RAD51B: variants seen among roughly 807,000 people sequenced by gnomAD.
RAD51B encodes the protein DNA repair protein RAD51 homolog 2.
Under a neutral mutation model 42.2 loss-of-function variants are expected in RAD51B, and 38 were observed. The observed-to-expected ratio is 0.90, with a 90% CI of 0.70 to 1.18. The LOEUF (loss-of-function observed/expected upper bound fraction) is 1.18. Among genes scored for constraint, RAD51B ranks in the 50% most tolerant of loss-of-function variants. RAD51B has a pLI of 0.00. For synonymous variants in RAD51B, 154 were observed against 145.2 expected (o/e 1.06, Z -0.43); for missense variants, 373 against 400.7 (o/e 0.93, Z 0.59).
At chr14:67,931,737 A>C (rs1337294785) in intron 7 of RAD51B, among the ~76,000 whole-genome samples, 1 of 151,798 alleles carries the variant, frequency 6.6e-6, no homozygotes. Flanking sequence ...TCTTGACCTC[A>C]GGTGATCCAT....
At position 67,965,869 on chromosome 14, in the gene RAD51B, A is replaced by G. The variant is rs2074765780; in HGVS notation, c.756+78665A>G. On this transcript the variant is annotated intron_variant, in intron 7 of 10. Transcript: ENST00000471583. Reference sequence around the variant, plus strand: ...GACAAAAGAAATAAACCACGTGCATAGACCAAGCAGTAGGGCCACCGTTAG... The same window carrying G: ...GACAAAAGAAATAAACCACGTGCATGGACCAAGCAGTAGGGCCACCGTTAG... 2.6e-5 allele frequency among the ~76,000 whole-genome samples: 4 copies of G among 152,158 alleles called. No homozygotes were observed. The South Asian group carries it at 8.3e-4, about 32-fold the overall frequency.
intron 11 of RAD51B, among the ~76,000 whole-genome samples, chr14:68,682,007 G>T (rs530089671): frequency 6.6e-6 from 1 of 152,086 alleles, no homozygotes; most frequent in Non-Finnish European, 1.5e-5. Flanking sequence ...CACCACTGAA[G>T]AACTTATCCA....
chr14:68,330,213 A>G (rs2145423), intron 8 of RAD51B, among the ~76,000 whole-genome samples: 80,527 of 151,954 alleles, frequency 0.53, 23,055 homozygotes, highest in South Asian at 0.65. Flanking sequence ...AAGCAATTGA[A>G]ATGATTAAAA....
At chr14:68,613,493 A>C (rs573497052), downstream of RAD51B, among the ~76,000 whole-genome samples, 1 of 146,790 alleles carries the variant, frequency 6.8e-6, no homozygotes, top group African/African-American at 2.5e-5. Flanking sequence ...TCACTCTGTC[A>C]CCCAGGCTGG....
chr14:68,347,137 A>G (rs1324842555), intron 8 of RAD51B, among the ~76,000 whole-genome samples: 2 of 151,994 alleles, frequency 1.3e-5, no homozygotes, highest in African/African-American at 2.4e-5. Context: ...TGCTTTCGCT[A>G]GACTGAAAGA....
intron 10 of RAD51B, among the ~76,000 whole-genome samples, chr14:68,603,956 C>G (rs548246642): frequency 6.6e-6 from 1 of 152,374 alleles, no homozygotes; most frequent in African/African-American, 2.4e-5. Context: ...GGGAAGCGTT[C>G]ACTCTAGCCC....
At chr14:68,422,239 G>T in intron 9 of RAD51B, 1 of 864,718 alleles carries the variant, frequency 1.2e-6, no homozygotes, top group South Asian at 1.3e-5. Flanking sequence ...CGTCCGCAGA[G>T]CACCCAAATT....
intron 7 of RAD51B, among the ~76,000 whole-genome samples, chr14:67,928,117 T>C (rs2044592097): frequency 6.6e-6 from 1 of 152,184 alleles, no homozygotes; most frequent in Non-Finnish European, 1.5e-5. Flanking sequence ...CAGCAGTGAC[T>C]TTATTCAGTA....
chr14:67,979,303 T>C (rs1340459035), intron 7 of RAD51B, among the ~76,000 whole-genome samples: 1 of 152,238 alleles, frequency 6.6e-6, no homozygotes, highest in African/African-American at 2.4e-5. Flanking sequence ...TGATTTCTAA[T>C]AGATTTGAAC....
At chr14:68,145,701 T>A (rs1410034714) in intron 7 of RAD51B, among the ~76,000 whole-genome samples, 1 of 152,210 alleles carries the variant, frequency 6.6e-6, no homozygotes, top group Admixed American at 6.5e-5. Context: ...GTTATTTATA[T>A]CTTGATTGTG....
chr14:68,024,770 A>G (rs918062804), intron 7 of RAD51B, among the ~76,000 whole-genome samples: 4 of 152,062 alleles, frequency 2.6e-5, no homozygotes, highest in African/African-American at 9.7e-5. Flanking sequence ...TGTAGGTATG[A>G]AATCATATTG....
intron 10 of RAD51B, among the ~76,000 whole-genome samples, chr14:68,519,886 G>C (rs746206858): frequency 3.3e-5 from 5 of 152,190 alleles, no homozygotes; most frequent in African/African-American, 1.2e-4. Context: ...GGAAGAGAAG[G>C]TCTTCTAAGG....
At chr14:68,505,180 GC>G (rs1313422537) in intron 10 of RAD51B, among the ~76,000 whole-genome samples, 3 of 152,260 alleles carry the variant, frequency 2.0e-5, no homozygotes, top group East Asian at 1.9e-4. Context: ...GATGGAGGGA[GC>G]ACGAGGATGG....
At chr14:68,110,002 A>AC (rs780898083) in intron 7 of RAD51B, among the ~76,000 whole-genome samples, 7 of 151,954 alleles carry the variant, frequency 4.6e-5, no homozygotes, top group Non-Finnish European at 7.4e-5. Context: ...TTGCTTGGAA[A>AC]CATGATGAGA....
At chr14:68,243,109 C>T (rs1595596486) in intron 7 of RAD51B, among the ~76,000 whole-genome samples, 1 of 152,084 alleles carries the variant, frequency 6.6e-6, no homozygotes, top group Admixed American at 6.5e-5. Flanking sequence ...ATGTGCTCTC[C>T]GGAATTAATT....
Position 68,155,439 on chromosome 14 carries a change from G to T in RAD51B, c.757-136445G>T, listed in dbSNP as rs186985097. 4.1e-4 allele frequency among the ~76,000 whole-genome samples: 63 copies of T among 152,090 alleles called. No individual in the cohort carries two copies. In the South Asian group the frequency reaches 5.2e-3, roughly 13 times the overall value. On this transcript the variant is annotated intron_variant, in intron 7 of 10. Transcript: ENST00000471583. ...GATCTCTTGATCTCATGATCCACCC[G>T]CCTCGGCCTCCCAAAGTGCTGAGAT...
intron 8 of RAD51B, among the ~76,000 whole-genome samples, chr14:68,304,775 T>C (rs2081824696): frequency 6.6e-6 from 1 of 152,234 alleles, no homozygotes. Context: ...TAGGTGAAGC[T>C]GGCAGGCCTT....
intron 8 of RAD51B, among the ~76,000 whole-genome samples, chr14:68,295,323 A>G (rs1243518167): frequency 6.6e-6 from 1 of 152,042 alleles, no homozygotes; most frequent in African/African-American, 2.4e-5. Context: ...CAAGCCAACA[A>G]CTCAGCCACA....
At chr14:67,857,790 ATG>A (rs1481180148) in intron 4 of RAD51B, 1 of 153,182 alleles carries the variant, frequency 6.5e-6, no homozygotes, top group Non-Finnish European at 1.5e-5. Flanking sequence ...TCGGCCCACC[ATG>A]CTCAACCTCT....
Sources: allele counts gnomAD v4.1 joint callset (sites outside exome capture counted in the v4.1 genomes callset), GRCh38; gene constraint gnomAD v4.1.1; transcripts MANE v1.5; gene names NCBI Gene and HGNC (gene_info 2026-07-23, HGNC 2026-07-21).